PLD5: variants seen among roughly 807,000 people sequenced by gnomAD.
The protein encoded by PLD5 is phospholipase D family member 5.
Under a neutral mutation model 61.1 loss-of-function variants are expected in PLD5, and 36 were observed. The ratio of observed to expected loss-of-function variants is 0.59; its 90% confidence interval spans 0.45 to 0.78. The LOEUF (loss-of-function observed/expected upper bound fraction) is 0.78, where lower values mean the gene tolerates loss of function less well. PLD5 is among the 30% of genes least tolerant of loss of function. The pLI is 0.00. For missense variants in PLD5, 515 were observed against 644.4 expected, an observed-to-expected ratio of 0.80 and a Z score of 2.17; for synonymous variants, 243 against 242.8, an observed-to-expected ratio of 1.00 and a Z score of -0.01.
intron 2 of PLD5, among the ~76,000 whole-genome samples, chr1:242,290,979 A>T (rs1033315268): frequency 1.7e-4 from 26 of 151,696 alleles, no homozygotes; most frequent in African/African-American, 6.3e-4. Flanking sequence ...GATGCCCTTG[A>T]CCCGCCCCCA....
intron 1 of PLD5, among the ~76,000 whole-genome samples, chr1:242,507,324 C>T (rs982048659): frequency 2.6e-5 from 4 of 152,140 alleles, no homozygotes; most frequent in Non-Finnish European, 5.9e-5. Flanking sequence ...TTTTGAGACA[C>T]AAATCTGAAC....
chr1:242,127,150 AT>A (rs1166799420), intron 5 of PLD5, among the ~76,000 whole-genome samples: 2 of 152,208 alleles, frequency 1.3e-5, no homozygotes, highest in Admixed American at 1.3e-4. Flanking sequence ...AAATAAAAAA[AT>A]AATAGATGTT....
chr1:242,450,356 A>C (rs1162098807), intron 1 of PLD5, among the ~76,000 whole-genome samples: 1 of 152,208 alleles, frequency 6.6e-6, no homozygotes, highest in East Asian at 1.9e-4. Context: ...TCAAATCTGC[A>C]TCCTCCAGGC....
chr1:242,263,964 G>A (rs1365275566), intron 4 of PLD5, among the ~76,000 whole-genome samples: 2 of 152,190 alleles, frequency 1.3e-5, no homozygotes, highest in Non-Finnish European at 2.9e-5. Context: ...GAGAGCTGTG[G>A]ATGTCTCGGG....
At chr1:242,302,775 G>A (rs192286863) in intron 2 of PLD5, among the ~76,000 whole-genome samples, 26 of 152,228 alleles carry the variant, frequency 1.7e-4, no homozygotes, top group African/African-American at 5.5e-4. Context: ...CATTCTCTGG[G>A]TATCTCCCAA....
chr1:242,119,995 A>G (rs1662241703), intron 6 of PLD5, among the ~76,000 whole-genome samples: 1 of 152,238 alleles, frequency 6.6e-6, no homozygotes, highest in Admixed American at 6.5e-5. Flanking sequence ...AACCATAAAA[A>G]GAATAAAGGC....
At chr1:242,338,983 ATTTAT>A (rs1303808013) in intron 2 of PLD5, among the ~76,000 whole-genome samples, 1 of 152,176 alleles carries the variant, frequency 6.6e-6, no homozygotes, top group Admixed American at 6.5e-5. Flanking sequence ...AGACTATTCT[ATTTAT>A]TTTAACAACT....
At chr1:242,459,823 T>C (rs1667060452) in intron 1 of PLD5, among the ~76,000 whole-genome samples, 2 of 152,116 alleles carry the variant, frequency 1.3e-5, no homozygotes, top group Non-Finnish European at 2.9e-5. Flanking sequence ...GGAATGTGAC[T>C]CTTGTGGAAA....
chr1:242,502,939 T>C (rs2102992021), intron 1 of PLD5, among the ~76,000 whole-genome samples: 1 of 152,250 alleles, frequency 6.6e-6, no homozygotes, highest in South Asian at 2.1e-4. Flanking sequence ...CACACACCTG[T>C]GATCCCATAT....
chr1:242,399,191 C>T (rs891926648), intron 1 of PLD5, among the ~76,000 whole-genome samples: 1 of 152,176 alleles, frequency 6.6e-6, no homozygotes, highest in Non-Finnish European at 1.5e-5. Context: ...CATGCTCAGT[C>T]CTGTATTCTA....
chr1:242,178,571 G>A (rs1383398286), intron 5 of PLD5, among the ~76,000 whole-genome samples: 1 of 152,204 alleles, frequency 6.6e-6, no homozygotes, highest in African/African-American at 2.4e-5. Context: ...AGGAAGACAA[G>A]ATGGTGTTGT....
chr1:242,241,918 G>GTATATATATA (rs199673112), intron 4 of PLD5, among the ~76,000 whole-genome samples: 2 of 102,610 alleles, frequency 1.9e-5, no homozygotes, highest in African/African-American at 3.8e-5. Flanking sequence ...TATACTTACT[G>GTATATATATA]TATATATATA....
chr1:242,338,333 C>A (rs1187432696), intron 2 of PLD5, among the ~76,000 whole-genome samples: 1 of 152,102 alleles, frequency 6.6e-6, no homozygotes, highest in African/African-American at 2.4e-5. Flanking sequence ...AGAATGATTA[C>A]ACATAGGGCC....
At chr1:242,455,070 C>T (rs761778007) in intron 1 of PLD5, among the ~76,000 whole-genome samples, 1 of 152,176 alleles carries the variant, frequency 6.6e-6, no homozygotes, top group Admixed American at 6.5e-5. Flanking sequence ...CCAGCAGAAA[C>T]GAATGTGATC....
chr1:242,466,336 G>A (rs12062445), intron 1 of PLD5, among the ~76,000 whole-genome samples: 3,435 of 152,060 alleles, frequency 0.023, 124 homozygotes, highest in African/African-American at 0.078. Context: ...GTAGAAAAAC[G>A]GACCATCAAG....
chr1:242,421,403 T>C (rs990929222), intron 1 of PLD5, among the ~76,000 whole-genome samples: 4 of 152,184 alleles, frequency 2.6e-5, no homozygotes, highest in Admixed American at 2.6e-4. Flanking sequence ...TCTGTCAGGA[T>C]ACAGCCTTCT....
chr1:242,458,043 C>T (rs1306138725), intron 1 of PLD5, among the ~76,000 whole-genome samples: 1 of 152,164 alleles, frequency 6.6e-6, no homozygotes, highest in Non-Finnish European at 1.5e-5. Context: ...GGATGTCTCT[C>T]ATTAGATATT....
chr1:242,329,068 G>C (rs1411612774), intron 2 of PLD5, among the ~76,000 whole-genome samples: 4 of 151,908 alleles, frequency 2.6e-5, no homozygotes, highest in African/African-American at 4.8e-5. Flanking sequence ...GAGTGCAGTG[G>C]TGTGATCTTG....
chr1:242,108,931 C>T (rs1661273158), intron 7 of PLD5, among the ~76,000 whole-genome samples: 1 of 152,154 alleles, frequency 6.6e-6, no homozygotes, highest in South Asian at 2.1e-4. Flanking sequence ...CCTTGCCTGC[C>T]CAGCCTCATC....
Sources: gnomAD v4.1 joint callset for allele counts (sites outside exome capture counted in the v4.1 genomes callset) on GRCh38, gnomAD v4.1.1 for gene constraint, MANE v1.5 for transcripts, NCBI Gene and HGNC (gene_info 2026-07-23, HGNC 2026-07-21) for gene names.